The following STAG1 variants were observed in gnomAD, a reference collection of about 807,000 sequenced individuals.
The protein encoded by STAG1 is STAG1 cohesin complex component.
STAG1 carries 26 observed loss-of-function variants against 170.9 expected under a neutral mutation model. The ratio of observed to expected loss-of-function variants is 0.15; its 90% CI spans 0.11 to 0.21. The LOEUF (loss-of-function observed/expected upper bound fraction) is 0.21, where lower values mean the gene tolerates loss of function less well. Among genes scored for constraint, STAG1 ranks in the 10% least tolerant of loss-of-function variants. STAG1 has a pLI of 1.00. For missense variants in STAG1, 964 were observed against 1,509.5 expected (o/e 0.64, Z 5.99); for synonymous variants, 514 against 497.7 (o/e 1.03, Z -0.44).
At chr3:136,679,524 C>G (rs1466807964) in intron 1 of STAG1, among the ~76,000 whole-genome samples, 1 of 151,908 alleles carries the variant, frequency 6.6e-6, no homozygotes, top group Admixed American at 6.6e-5. Context: ...GTCAGGAGAT[C>G]GAGACCATCC....
At chr3:136,597,745 C>T (rs935890884) in intron 4 of STAG1, among the ~76,000 whole-genome samples, 2 of 151,784 alleles carry the variant, frequency 1.3e-5, no homozygotes, top group Non-Finnish European at 2.9e-5. Flanking sequence ...TATCCTCTTC[C>T]AATAGGGATA....
At chr3:136,584,486 C>T (rs1467868073) in intron 4 of STAG1, among the ~76,000 whole-genome samples, 1 of 152,204 alleles carries the variant, frequency 6.6e-6, no homozygotes, top group Non-Finnish European at 1.5e-5. Flanking sequence ...GCCAGGATTC[C>T]TACCACCACT....
At chr3:136,518,001 ATATACT>A (rs1441906025) in intron 7 of STAG1, 1 of 164,156 alleles carries the variant, frequency 6.1e-6, no homozygotes, top group Non-Finnish European at 1.3e-5. Context: ...AAAAATAAGA[ATATACT>A]TATGAGTGTG....
At chr3:136,607,523 C>G (rs1387375683) in intron 3 of STAG1, among the ~76,000 whole-genome samples, 1 of 152,158 alleles carries the variant, frequency 6.6e-6, no homozygotes, top group Non-Finnish European at 1.5e-5. Context: ...CTGCCTCAGC[C>G]TCCTGAGTAG....
At chr3:136,468,243 A>C (rs1468953825) in intron 12 of STAG1, among the ~76,000 whole-genome samples, 1 of 152,148 alleles carries the variant, frequency 6.6e-6, no homozygotes, top group Non-Finnish European at 1.5e-5. Context: ...AGATCAACAA[A>C]ACTGATAGAC....
At chr3:136,464,162 G>T (rs2107797585) in intron 13 of STAG1, among the ~76,000 whole-genome samples, 1 of 152,124 alleles carries the variant, frequency 6.6e-6, no homozygotes, top group African/African-American at 2.4e-5. Context: ...GGTGGCTCAT[G>T]CCTGTAATCC....
chr3:136,391,522 G>A lies in STAG1; in HGVS notation c.2277+7227C>T, dbSNP rs1023712728. On this transcript the variant is annotated intron_variant, in intron 22 of 33. Transcript: ENST00000383202. ...CTCCCAAGTAGCTGGGACTACAGGC[G>A]CACGCCACCATGCCCAGCTAACTTT... is the stretch of plus-strand genomic sequence containing the variant. Among the ~76,000 whole-genome samples, 5 of 152,054 alleles carry A rather than the reference G, an allele frequency of 3.3e-5. No homozygotes were observed. In the East Asian group the frequency reaches 9.7e-4, roughly 29 times the overall value.
At chr3:136,618,028 TTTA>T (rs1939674194) in intron 3 of STAG1, among the ~76,000 whole-genome samples, 1 of 152,234 alleles carries the variant, frequency 6.6e-6, no homozygotes, top group Non-Finnish European at 1.5e-5. Flanking sequence ...ACTGTATCTT[TTTA>T]TTGTTAGATA....
At chr3:136,375,028 C>G (rs1231882747) in intron 23 of STAG1, among the ~76,000 whole-genome samples, 3 of 152,100 alleles carry the variant, frequency 2.0e-5, no homozygotes, top group Non-Finnish European at 4.4e-5. Context: ...GGATCATAGC[C>G]TAAGAGGAAT....
chr3:136,355,570 GCTAA>G (rs1376594460), intron 28 of STAG1, among the ~76,000 whole-genome samples: 1 of 151,970 alleles, frequency 6.6e-6, no homozygotes, highest in Non-Finnish European at 1.5e-5. Context: ...AAAACTATAA[GCTAA>G]CTAGACAGAA....
rs554475207 is a variant in STAG1, at chr3:136,405,231, C to CTTTTTTTT, written c.2197-6410_2197-6403dup. 9.0e-4 allele frequency among the ~76,000 whole-genome samples: 55 copies of CTTTTTTTT among 60,908 alleles called. 3 individuals carry two copies. The highest frequency in any genetic ancestry group is 1.5e-3 in the Non-Finnish European group (44 of 28,622). The allele number at this position is 60,908 out of a possible 152,430, so 40.0% of individuals were successfully genotyped here. On this transcript the variant is annotated intron_variant, in intron 21 of 33. Transcript: ENST00000383202. ...AATAAATAAACACATGAAAAAACCT[C>CTTTTTTTT]TTTTTTTTTTTTTTTTTTTTTTTTT...
intron 22 of STAG1, among the ~76,000 whole-genome samples, chr3:136,380,038 G>A (rs752464107): frequency 1.3e-5 from 2 of 152,076 alleles, no homozygotes; most frequent in South Asian, 4.1e-4. Context: ...CACATACTGT[G>A]TTCCCAGAAC....
chr3:136,407,034 T>C (rs2087504056), intron 21 of STAG1, among the ~76,000 whole-genome samples: 1 of 150,130 alleles, frequency 6.7e-6, no homozygotes, highest in African/African-American at 2.4e-5. Flanking sequence ...TGCAATCTCT[T>C]TTTTTTTTTG....
chr3:136,630,341 G>A (rs967787228), intron 2 of STAG1, among the ~76,000 whole-genome samples: 5 of 149,714 alleles, frequency 3.3e-5, no homozygotes, highest in African/African-American at 4.9e-5. Context: ...TCAATCTAAG[G>A]AAAAAGAAAG....
intron 4 of STAG1, among the ~76,000 whole-genome samples, chr3:136,574,372 C>T (rs1937377925): frequency 6.6e-6 from 1 of 151,820 alleles, no homozygotes; most frequent in South Asian, 2.1e-4. Context: ...ACACGCACAT[C>T]CTTGTCTTGA....
At chr3:136,691,165 G>A (rs549660834) in intron 1 of STAG1, among the ~76,000 whole-genome samples, 20 of 152,104 alleles carry the variant, frequency 1.3e-4, no homozygotes, top group African/African-American at 4.6e-4. Context: ...TTTGGGCGCA[G>A]TGGCTCACGT....
chr3:136,542,481 G>A (rs1935957318), intron 5 of STAG1, among the ~76,000 whole-genome samples: 1 of 151,954 alleles, frequency 6.6e-6, no homozygotes, highest in African/African-American at 2.4e-5. Flanking sequence ...TTTAAATTAC[G>A]TTAAATTGCT....
chr3:136,509,313 A>G (rs533346455), intron 7 of STAG1, among the ~76,000 whole-genome samples: 75 of 152,174 alleles, frequency 4.9e-4, no homozygotes, highest in Non-Finnish European at 3.2e-4. Context: ...GTATAAAACA[A>G]TTTTGTTAGG....
In STAG1 at chr3:136,677,345, T is replaced by C. The variant is rs375546087; in HGVS notation, c.-83-46364A>G. On this transcript the variant is annotated intron_variant, in intron 1 of 33. Transcript: ENST00000383202. ...CAAGGACTAAAATATTACTAGGCCA[T>C]AGGAATTTTTCAGCTCCATGATCAT... Among the ~76,000 whole-genome samples, 41 of 152,132 alleles carry C rather than the reference T, an allele frequency of 2.7e-4. 1 individual carries two copies. The highest frequency in any genetic ancestry group is 9.7e-4 in the African/African-American group (40 of 41,432).
Sources: allele counts gnomAD v4.1 joint callset (sites outside exome capture counted in the v4.1 genomes callset), GRCh38; gene constraint gnomAD v4.1.1; transcripts MANE v1.5; gene names NCBI Gene and HGNC (gene_info 2026-07-23, HGNC 2026-07-21).